The following CPNE4 variants were observed in gnomAD, a reference collection of about 807,000 sequenced individuals.
The protein encoded by CPNE4 is copine 4.
CPNE4 carries 25 observed loss-of-function variants against 67.9 expected under a neutral mutation model. The ratio of observed to expected loss-of-function variants is 0.37; its 90% confidence interval spans 0.27 to 0.51. CPNE4 has a LOEUF of 0.51. Ranked by LOEUF, CPNE4 falls within the 20% of genes least tolerant of loss-of-function variation. The pLI, the probability that CPNE4 is intolerant of heterozygous loss-of-function variation, is 0.93. For missense variants in CPNE4, 464 were observed against 690.8 expected, an observed-to-expected ratio of 0.67 and a Z score of 3.68; for synonymous variants, 242 against 244.9, an observed-to-expected ratio of 0.99 and a Z score of 0.11.
Position 131,587,391 on chromosome 3 carries a change from T to A in CPNE4, c.780+93A>T, listed in dbSNP as rs1938255356. On this transcript the variant is annotated intron_variant, in intron 8 of 15. Transcript: ENST00000429747. ...CTTCTTATCACACTTAATCATACAT[T>A]GATGTTTTGCCTCTTGCTGTTTCAT... 5 of 794,658 alleles carry A rather than the reference T, an allele frequency of 6.3e-6. No individual in the cohort carries two copies. In the South Asian group the frequency reaches 7.5e-5, roughly 12 times the overall value. 49.2% of individuals were successfully genotyped at this position (794,658 alleles called of 1,614,324 possible).
intron 1 of CPNE4, among the ~76,000 whole-genome samples, chr3:131,920,499 A>T (rs2107807516): frequency 6.6e-6 from 1 of 152,270 alleles, no homozygotes; most frequent in East Asian, 1.9e-4. Context: ...TGTTTGACAA[A>T]TATTCAAGGC....
intron 3 of CPNE4, among the ~76,000 whole-genome samples, chr3:131,718,512 C>T (rs1318304427): frequency 6.6e-6 from 1 of 152,158 alleles, no homozygotes; most frequent in Non-Finnish European, 1.5e-5. Flanking sequence ...GCTGCTGTGT[C>T]TTTGCGTGTA....
At chr3:132,001,408 T>C (rs1416396120) in intron 1 of CPNE4, among the ~76,000 whole-genome samples, 2 of 151,512 alleles carry the variant, frequency 1.3e-5, no homozygotes, top group African/African-American at 2.4e-5. Flanking sequence ...ACAAATGAAA[T>C]GATAAAGGAA....
chr3:131,773,685 T>C (rs138716794), intron 2 of CPNE4, among the ~76,000 whole-genome samples: 1 of 151,954 alleles, frequency 6.6e-6, no homozygotes, highest in African/African-American at 2.4e-5. Flanking sequence ...AAAAAAAAAA[T>C]CACCTGTGAT....
intron 7 of CPNE4, among the ~76,000 whole-genome samples, chr3:131,632,001 G>C (rs1306687153): frequency 1.3e-5 from 2 of 150,872 alleles, no homozygotes; most frequent in Non-Finnish European, 3.0e-5. Context: ...ACAAGAGGGA[G>C]GCTGAGGCAC....
rs74868928 is a variant in CPNE4, at chr3:131,552,002, G to A, written c.1168+438C>T. 5.7e-3 allele frequency among the ~76,000 whole-genome samples: 849 copies of A among 148,548 alleles called. 8 individuals are homozygous for A. The highest frequency in any genetic ancestry group is 0.019 in the African/African-American group (777 of 40,352). On this transcript the variant is annotated intron_variant, in intron 13 of 15. Transcript: ENST00000429747. ...AGGCCATGTCCTTGGCCGATATGCC[G>A]AAAGTGGGAAATGATTTCCATGTTC...
intron 1 of CPNE4, among the ~76,000 whole-genome samples, chr3:131,974,365 A>G (rs560778259): frequency 2.6e-5 from 4 of 152,196 alleles, no homozygotes; most frequent in Non-Finnish European, 5.9e-5. Flanking sequence ...TCTACAGTGA[A>G]TGCACATGTA....
chr3:131,768,221 A>G (rs985342242), intron 2 of CPNE4, among the ~76,000 whole-genome samples: 7 of 152,134 alleles, frequency 4.6e-5, no homozygotes, highest in African/African-American at 1.4e-4. Flanking sequence ...GACAGCTTGT[A>G]TAGGTCACTA....
chr3:131,823,701 C>G (rs16837883), intron 2 of CPNE4, among the ~76,000 whole-genome samples: 1 of 152,146 alleles, frequency 6.6e-6, no homozygotes, highest in Non-Finnish European at 1.5e-5. Context: ...GGCCAAGTTG[C>G]CTTCATCAGC....
chr3:131,920,848 G>A (rs1490196304), intron 1 of CPNE4, among the ~76,000 whole-genome samples: 1 of 152,032 alleles, frequency 6.6e-6, no homozygotes, highest in African/African-American at 2.4e-5. Flanking sequence ...CATCTAGAAG[G>A]GCACTGCTCC....
intron 3 of CPNE4, among the ~76,000 whole-genome samples, chr3:131,711,057 G>A (rs575007625): frequency 6.6e-6 from 1 of 152,266 alleles, no homozygotes; most frequent in African/African-American, 2.4e-5. Flanking sequence ...ATCATCAAGT[G>A]GTCGTAAAAT....
intron 1 of CPNE4, among the ~76,000 whole-genome samples, chr3:131,915,968 G>A (rs188842014): frequency 7.2e-5 from 11 of 152,238 alleles, no homozygotes; most frequent in Admixed American, 3.3e-4. Context: ...AGAATTTAAT[G>A]TATAAGTGTA....
At chr3:131,737,115 C>CATTTT (rs1188464902) in intron 2 of CPNE4, among the ~76,000 whole-genome samples, 10 of 49,362 alleles carry the variant, frequency 2.0e-4, no homozygotes, top group African/African-American at 7.6e-4. Flanking sequence ...AGTATTGTGT[C>CATTTT]TTTTTTTTTT....
intron 7 of CPNE4, among the ~76,000 whole-genome samples, chr3:131,639,929 G>T (rs78433107): frequency 6.6e-6 from 1 of 152,240 alleles, no homozygotes; most frequent in African/African-American, 2.4e-5. Flanking sequence ...CTCAATAGAT[G>T]CATAAAAAGC....
intron 8 of CPNE4, among the ~76,000 whole-genome samples, chr3:131,583,461 T>C (rs1229547215): frequency 6.6e-6 from 1 of 152,214 alleles, no homozygotes; most frequent in African/African-American, 2.4e-5. Context: ...GAAAAGACAC[T>C]AAAATTAGCT....
chr3:131,592,282 T>C (rs1193319146), intron 7 of CPNE4, among the ~76,000 whole-genome samples: 1 of 152,200 alleles, frequency 6.6e-6, no homozygotes, highest in East Asian at 1.9e-4. Flanking sequence ...TGTATGCTTA[T>C]TTTACAGATG....
rs188878331 is a variant in CPNE4, at chr3:131,938,933, T to C, written c.-1-33489A>G. Among the ~76,000 whole-genome samples, 231 of 152,246 alleles carry C rather than the reference T, an allele frequency of 1.5e-3. 2 individuals carry two copies. Among genetic ancestry groups the C allele is most frequent in the East Asian group, 1.4e-3 (7 of 5,182 alleles). ...GTAGCATATTATTAAATCCAAACTATACTAAAATAACTGTCAACTTCCAAA... is the reference window on the plus strand; with the variant it reads ...GTAGCATATTATTAAATCCAAACTACACTAAAATAACTGTCAACTTCCAAA... On this transcript the variant is annotated intron_variant, in intron 1 of 15. Coordinates refer to ENST00000429747, the MANE Select transcript of CPNE4 (RefSeq NM_130808.3).
chr3:131,676,028 C>CCTATTATTA (rs2080551693), intron 6 of CPNE4, among the ~76,000 whole-genome samples: 1 of 86,534 alleles, frequency 1.2e-5, no homozygotes, highest in South Asian at 5.1e-4. Flanking sequence ...TATGTTATAA[C>CCTATTATTA]CTATTATTAT....
At chr3:131,994,729 A>T (rs1305232981) in intron 1 of CPNE4, among the ~76,000 whole-genome samples, 2 of 152,204 alleles carry the variant, frequency 1.3e-5, no homozygotes, top group African/African-American at 4.8e-5. Flanking sequence ...AAGGACGTAA[A>T]CTTTTAGAGT....
Sources: gnomAD v4.1 joint callset for allele counts (sites outside exome capture counted in the v4.1 genomes callset) on GRCh38, gnomAD v4.1.1 for gene constraint, MANE v1.5 for transcripts, NCBI Gene and HGNC (gene_info 2026-07-23, HGNC 2026-07-21) for gene names.